OLA1: variants seen among roughly 807,000 people sequenced by gnomAD.
OLA1 encodes obg-like ATPase 1.
OLA1 carries 14 observed loss-of-function variants against 48.4 expected under a neutral mutation model. That is an observed-to-expected ratio of 0.29 (90% CI 0.19 to 0.45). OLA1 has a LOEUF of 0.45. Among genes scored for constraint, OLA1 ranks in the 20% least tolerant of loss-of-function variants. OLA1 has a pLI of 1.00. For missense variants in OLA1, 325 were observed against 467.1 expected (o/e 0.70, Z 2.80); for synonymous variants, 127 against 150.4 (o/e 0.84, Z 1.14).
chr2:174,247,746 C>T, intron 1 of OLA1: 3 of 1,551,082 alleles, frequency 1.9e-6, no homozygotes, highest in Non-Finnish European at 2.6e-6. Context: ...TCATAAGCAA[C>T]CTCCAAAATC....
chr2:174,196,171 T>C (rs2105427939), intron 4 of OLA1, among the ~76,000 whole-genome samples: 1 of 152,262 alleles, frequency 6.6e-6, no homozygotes, highest in East Asian at 1.9e-4. Context: ...TCAGTTATAT[T>C]TTGTTCCTTT....
chr2:174,087,194 T>A (rs1174895712), intron 7 of OLA1, among the ~76,000 whole-genome samples: 2 of 151,968 alleles, frequency 1.3e-5, no homozygotes, highest in African/African-American at 4.8e-5. Context: ...ACCCAGACAA[T>A]TTTTGTATTT....
intron 2 of OLA1, 110 bp from the exon 3 acceptor site, chr2:174,229,561 T>C: frequency 1.3e-6 from 1 of 745,788 alleles, no homozygotes; most frequent in Non-Finnish European, 2.2e-6. Context: ...ATAAAACCAA[T>C]CTACAAAGAG....
Position 174,073,420 on chromosome 2 carries a change from A to T in OLA1, c.*2006T>A, listed in dbSNP as rs1355257808. On this transcript the variant is annotated 3_prime_UTR_variant, in exon 11 of 11. Coordinates refer to ENST00000284719, the MANE Select transcript of OLA1 (RefSeq NM_013341.5). ...ATATTAAAGGAGGGAAAACGTTTAG[A>T]TATAGGCATATATATGATTATATGT... is the stretch of plus-strand genomic sequence containing the variant. The T allele has an allele frequency of 2.6e-5, 4 of 152,216 alleles. No homozygotes were observed. Among genetic ancestry groups the T allele is most frequent in the Non-Finnish European group, 4.4e-5 (3 of 68,032 alleles). The allele number at this position is 152,216 out of a possible 1,614,324, so 9.4% of individuals were successfully genotyped here. A position where few individuals can be genotyped will look rare whatever the true frequency, so the allele number is the denominator to read the frequency against.
intron 7 of OLA1, among the ~76,000 whole-genome samples, chr2:174,093,287 T>C (rs1455291048): frequency 6.6e-6 from 1 of 151,696 alleles, no homozygotes; most frequent in Non-Finnish European, 1.5e-5. Context: ...TCTCTATGAA[T>C]AAAAAATAAA....
Position 174,214,278 on chromosome 2 carries a change from A to G in OLA1, c.373+8755T>C, listed in dbSNP as rs572027648. On this transcript the variant is annotated intron_variant, in intron 4 of 10. Transcript: ENST00000284719. Reference sequence around the variant, plus strand: ...AACCCAGGAGGCAGAGGTTGCAGTGAGCCAAGACTGTGCCACTGCACTCCA... The same window carrying G: ...AACCCAGGAGGCAGAGGTTGCAGTGGGCCAAGACTGTGCCACTGCACTCCA... Among the ~76,000 whole-genome samples the G allele has an allele frequency of 5.3e-5, 8 of 152,342 alleles. No homozygotes were observed. The East Asian group carries it at 1.5e-3, about 29-fold the overall frequency.
rs6761183 is a variant in OLA1 at position 174,201,142 on chromosome 2, G to A, written c.373+21891C>T. Among the ~76,000 whole-genome samples the A allele has an allele frequency of 1.9e-3, 284 of 152,288 alleles. 1 individual carries two copies. Among genetic ancestry groups the A allele is most frequent in the African/African-American group, 6.5e-3 (272 of 41,568 alleles). ...TTTAGGTTCAAAAAGAGAATGCGAA[G>A]ATTTTCTTAAGTAAATGGGTTGTAA... is the stretch of plus-strand genomic sequence containing the variant. On this transcript the variant is annotated intron_variant, in intron 4 of 10. Coordinates refer to ENST00000284719, the MANE Select transcript of OLA1 (RefSeq NM_013341.5).
chr2:174,093,226 G>A (rs1685167199), intron 7 of OLA1, among the ~76,000 whole-genome samples: 1 of 152,118 alleles, frequency 6.6e-6, no homozygotes, highest in African/African-American at 2.4e-5. Context: ...GTGGGAAGAT[G>A]GCTTGGGCCC....
chr2:174,207,118 C>T (rs1482097873), intron 4 of OLA1, among the ~76,000 whole-genome samples: 1 of 152,098 alleles, frequency 6.6e-6, no homozygotes. Context: ...CAACACCTAA[C>T]TTAACCTAAG....
intron 5 of OLA1, among the ~76,000 whole-genome samples, chr2:174,133,979 G>GT (rs1194028264): frequency 1.3e-5 from 2 of 152,104 alleles, no homozygotes; most frequent in Non-Finnish European, 2.9e-5. Context: ...ATGCAGTTCT[G>GT]TCTCTATGGA....
chr2:174,210,751 T>C (rs1688222128), intron 4 of OLA1, among the ~76,000 whole-genome samples: 4 of 152,228 alleles, frequency 2.6e-5, no homozygotes, highest in African/African-American at 9.6e-5. Context: ...TCCTTTGCTT[T>C]GACAAATCAA....
At chr2:174,164,615 A>T (rs1454791488) in intron 4 of OLA1, among the ~76,000 whole-genome samples, 2 of 152,202 alleles carry the variant, frequency 1.3e-5, no homozygotes, top group African/African-American at 4.8e-5. Flanking sequence ...ATAGGTTCTT[A>T]AAATTTTTTA....
rs1688678477 is a variant in OLA1 at position 174,229,333 on chromosome 2, G to A, written c.220C>T (p.Leu74Phe). 6.2e-7 allele frequency: 1 copy of A among 1,612,332 alleles called. No individual in the cohort carries two copies. The highest frequency in any genetic ancestry group is 1.7e-5 in the Admixed American group (1 of 59,960). ...CTTGCTGGTTTGTGGTATTGACAAA[G>A]AAAGTCAAACCTTTCATCTGGCACA... ...VPVPDERFDF[L>F]CQYHKPASKI... Residue 74 changes from leucine (L) to phenylalanine (F), a missense_variant, in exon 3 of 11, where the codon CTT becomes TTT. Coordinates refer to ENST00000284719, the MANE Select transcript of OLA1 (RefSeq NM_013341.5).
chr2:174,247,780 T>C (rs1404820921), intron 1 of OLA1: 12 of 1,550,526 alleles, frequency 7.7e-6, no homozygotes, highest in African/African-American at 1.4e-5. Flanking sequence ...CTATTTCTAA[T>C]GGTAAATTAA....
At chr2:174,106,237 T>C (rs1384598275) in intron 7 of OLA1, among the ~76,000 whole-genome samples, 1 of 152,088 alleles carries the variant, frequency 6.6e-6, no homozygotes, top group Non-Finnish European at 1.5e-5. Flanking sequence ...CATCCCAATC[T>C]GGTAAACTTA....
In OLA1 at chr2:174,229,602, A is replaced by G. The variant is rs1688684580; in HGVS notation, c.102-151T>C. The stretch of plus-strand genomic sequence containing the variant: ...AAAAGGAACAATACATTTTTTACTA[A>G]CAGAAGTGAATGAAATTTACAACAG... On this transcript the variant is annotated intron_variant, in intron 2 of 10. Transcript: ENST00000284719. 1.1e-5 allele frequency: 7 copies of G among 617,130 alleles called. No individual in the cohort carries two copies. The South Asian group carries it at 1.5e-4, about 14-fold the overall frequency. 38.2% of individuals were successfully genotyped at this position (617,130 alleles called of 1,614,324 possible). A position where few individuals can be genotyped will look rare whatever the true frequency, so the allele number is the denominator to read the frequency against.
intron 7 of OLA1, among the ~76,000 whole-genome samples, chr2:174,099,818 T>A (rs75975701): frequency 0.033 from 4,957 of 152,352 alleles, 114 homozygotes; most frequent in Non-Finnish European, 0.049. Context: ...TCAAATGCTA[T>A]GTAATTGACT....
intron 6 of OLA1, 22 bp from the exon 7 acceptor site, chr2:174,123,299 G>T: frequency 4.3e-6 from 5 of 1,173,200 alleles, no homozygotes; most frequent in Non-Finnish European, 4.9e-6. Context: ...GATGGAGAAA[G>T]AATCCCTTTT....
At chr2:174,226,281 C>T (rs1218490055) in intron 3 of OLA1, among the ~76,000 whole-genome samples, 4 of 151,584 alleles carry the variant, frequency 2.6e-5, no homozygotes, top group Non-Finnish European at 4.4e-5. Context: ...ACTATTAATA[C>T]AATATCTCAA....
Sources: allele counts gnomAD v4.1 joint callset (sites outside exome capture counted in the v4.1 genomes callset), GRCh38; gene constraint gnomAD v4.1.1; transcripts MANE v1.5; gene names NCBI Gene and HGNC (gene_info 2026-07-23, HGNC 2026-07-21).